LIN28B: variants seen among roughly 807,000 people sequenced by gnomAD.
The protein encoded by LIN28B is protein lin-28 homolog B.
In LIN28B, 5 loss-of-function variants were observed where a neutral mutation model predicts 21.9. The ratio of observed to expected loss-of-function variants is 0.23; its 90% CI spans 0.12 to 0.48. The LOEUF is 0.48. Among genes scored for constraint, LIN28B ranks in the 20% least tolerant of loss-of-function variants. The pLI is 0.98. For synonymous variants in LIN28B, 109 were observed against 111.3 expected (o/e 0.98, Z 0.13); for missense variants, 245 against 310.5 (o/e 0.79, Z 1.58).
In LIN28B at chr6:104,997,262, C is replaced by G. The variant is rs1308965029; in HGVS notation, c.199-29036C>G. On this transcript the variant is annotated intron_variant, in intron 2 of 3. Coordinates refer to ENST00000345080, the MANE Select transcript of LIN28B (RefSeq NM_001004317.4). ...CGCCACTGCACTCCAGCCTGCGCGA[C>G]AGAACGAGACTCCGTCTCAAAAAAA... 4.5e-5 allele frequency among the ~76,000 whole-genome samples: 6 copies of G among 133,538 alleles called. No individual in the cohort carries two copies. In the Admixed American group the frequency reaches 5.0e-4, roughly 11 times the overall value. 87.6% of individuals were successfully genotyped at this position (133,538 alleles called of 152,430 possible). A position where few individuals can be genotyped will look rare whatever the true frequency, so the allele number is the denominator to read the frequency against.
rs138866896 is a variant in LIN28B, at chr6:105,010,131, A to G, written c.199-16167A>G. 1.0e-3 allele frequency among the ~76,000 whole-genome samples: 159 copies of G among 152,196 alleles called. 1 individual carries two copies. In the East Asian group the frequency reaches 0.029, roughly 28 times the overall value. On this transcript the variant is annotated intron_variant, in intron 2 of 3. Coordinates refer to ENST00000345080, the MANE Select transcript of LIN28B (RefSeq NM_001004317.4). ...AGCAGTAAGAATAGGCCAGGCAGAC[A>G]GATCGCTTAAGCCCAGGAGTATGAG...
In LIN28B at chr6:105,078,758, C is replaced by G. The variant is rs1192629337; in HGVS notation, c.728C>G (p.Ser243Ter). 1 of 1,612,576 alleles carries G rather than the reference C, an allele frequency of 6.2e-7. No individual in the cohort carries two copies. Among genetic ancestry groups the G allele is most frequent in the Non-Finnish European group, 8.5e-7 (1 of 1,179,528 alleles). ...APEEQSKKGP[S>*]VQKRKKT is the part of the protein sequence containing the mutation. The stretch of plus-strand genomic sequence containing the variant: ...GAAGAGCAAAGCAAAAAGGGGCCTT[C>G]AGTTCAAAAAAGGAAAAAGACATAA... Residue 243 changes from serine to a stop codon, truncating the protein, a stop_gained, in exon 4 of 4, where the codon TCA becomes TGA. Coordinates refer to ENST00000345080, the MANE Select transcript of LIN28B (RefSeq NM_001004317.4). LOFTEE classifies it high-confidence loss of function.
chr6:104,991,893 C>T (rs536753451), intron 2 of LIN28B, among the ~76,000 whole-genome samples: 1 of 152,000 alleles, frequency 6.6e-6, no homozygotes. Flanking sequence ...CGCCTGCAAT[C>T]GCAGGCACTC....
intron 2 of LIN28B, among the ~76,000 whole-genome samples, chr6:104,959,094 AT>A (rs1171485604): frequency 6.6e-6 from 1 of 152,068 alleles, no homozygotes; most frequent in Admixed American, 6.6e-5. Flanking sequence ...ATTGCTTCCC[AT>A]TTTCAAAATT....
At chr6:105,012,854 T>C (rs1384969346) in intron 2 of LIN28B, among the ~76,000 whole-genome samples, 1 of 152,140 alleles carries the variant, frequency 6.6e-6, no homozygotes, top group African/African-American at 2.4e-5. Context: ...CCTGGGGTCA[T>C]AGGGCAGGTA....
intron 3 of LIN28B, among the ~76,000 whole-genome samples, chr6:105,067,175 C>G (rs1210338555): frequency 6.6e-6 from 1 of 152,164 alleles, no homozygotes; most frequent in Non-Finnish European, 1.5e-5. Flanking sequence ...CTAATTTTAA[C>G]CATTTCAAGA....
chr6:105,053,416 C>T (rs887789726), intron 3 of LIN28B, among the ~76,000 whole-genome samples: 24 of 81,442 alleles, frequency 2.9e-4, no homozygotes, highest in African/African-American at 9.2e-4. Flanking sequence ...TGTGTGTGCA[C>T]GTGCTCATAA....
intron 2 of LIN28B, among the ~76,000 whole-genome samples, chr6:104,971,405 C>T (rs916465348): frequency 1.3e-5 from 2 of 152,006 alleles, no homozygotes; most frequent in African/African-American, 2.4e-5. Context: ...TCCTATCAGT[C>T]CAAGATAACT....
intron 2 of LIN28B, among the ~76,000 whole-genome samples, chr6:104,947,467 C>A (rs1021817863): frequency 6.6e-5 from 10 of 152,114 alleles, no homozygotes; most frequent in Non-Finnish European, 1.5e-4. Flanking sequence ...TAATAGCAGT[C>A]ATTTTCCTTT....
intron 2 of LIN28B, among the ~76,000 whole-genome samples, chr6:104,974,595 C>T (rs551162009): frequency 1.0e-3 from 155 of 151,542 alleles, no homozygotes; most frequent in African/African-American, 2.9e-3. Context: ...TCTTCCATTG[C>T]GGTATAGGTA....
intron 2 of LIN28B, among the ~76,000 whole-genome samples, chr6:105,015,825 A>G (rs957642820): frequency 6.6e-6 from 1 of 152,194 alleles, no homozygotes; most frequent in Non-Finnish European, 1.5e-5. Flanking sequence ...GCTACAGTAC[A>G]TAAGTAAATA....
chr6:105,048,051 CTG>C (rs2114378916), intron 3 of LIN28B, among the ~76,000 whole-genome samples: 1 of 152,346 alleles, frequency 6.6e-6, no homozygotes, highest in African/African-American at 2.4e-5. Flanking sequence ...ACTTCCAACA[CTG>C]TGTTGAATAA....
intron 3 of LIN28B, among the ~76,000 whole-genome samples, chr6:105,076,723 G>C (rs569906094): frequency 2.0e-5 from 3 of 151,912 alleles, no homozygotes; most frequent in Non-Finnish European, 4.4e-5. Flanking sequence ...TTCTGCCTCA[G>C]CCTCCCGAGT....
intron 2 of LIN28B, among the ~76,000 whole-genome samples, chr6:105,009,441 G>C (rs1456815386): frequency 1.3e-5 from 2 of 152,106 alleles, no homozygotes; most frequent in Non-Finnish European, 1.5e-5. Flanking sequence ...GAAAGCCAAA[G>C]TTTTGGGGTT....
chr6:105,020,390 T>C (rs886433070), intron 2 of LIN28B, among the ~76,000 whole-genome samples: 9 of 151,980 alleles, frequency 5.9e-5, no homozygotes, highest in Non-Finnish European at 8.8e-5. Context: ...CAGGCTGTTA[T>C]AGAAAACAGC....
chr6:104,950,658 C>T (rs150565414), intron 3 of LIN28B: 1 of 414,316 alleles, frequency 2.4e-6, no homozygotes, highest in Non-Finnish European at 4.1e-6. Flanking sequence ...TCCTATACTT[C>T]GTCCTGATCA....
intron 2 of LIN28B, among the ~76,000 whole-genome samples, chr6:104,999,933 C>G (rs1017599018): frequency 6.6e-6 from 1 of 152,104 alleles, no homozygotes; most frequent in Non-Finnish European, 1.5e-5. Context: ...CCGCCTGCCT[C>G]GGCCTCCCAA....
At chr6:105,048,971 C>G (rs1205199678) in intron 3 of LIN28B, among the ~76,000 whole-genome samples, 1 of 152,122 alleles carries the variant, frequency 6.6e-6, no homozygotes, top group Non-Finnish European at 1.5e-5. Context: ...AAACAAGCTC[C>G]TGGATTCATT....
Position 105,023,523 on chromosome 6 carries a change from T to TATATAACCTATA in LIN28B, c.199-2775_199-2774insATATAACCTATA, listed in dbSNP as rs1488352487. 7.0e-3 allele frequency among the ~76,000 whole-genome samples: 6 copies of TATATAACCTATA among 854 alleles called. 1 individual carries two copies. Among genetic ancestry groups the TATATAACCTATA allele is most frequent in the African/African-American group, 0.019 (5 of 270 alleles). 0.6% of individuals were successfully genotyped at this position (854 alleles called of 152,430 possible). A position where few individuals can be genotyped will look rare whatever the true frequency, so the allele number is the denominator to read the frequency against. On this transcript the variant is annotated intron_variant, in intron 2 of 3. Coordinates refer to ENST00000345080, the MANE Select transcript of LIN28B (RefSeq NM_001004317.4). Reference sequence around the variant, plus strand: ...TAATTATATTATATAATATATATAATTATATTATATAATATATATAATATA... The same window carrying TATATAACCTATA: ...TAATTATATTATATAATATATATAATATATAACCTATATATATTATATAATATATATAATATA...
Sources: gnomAD v4.1 joint callset for allele counts (sites outside exome capture counted in the v4.1 genomes callset) on GRCh38, gnomAD v4.1.1 for gene constraint, MANE v1.5 for transcripts, NCBI Gene and HGNC (gene_info 2026-07-23, HGNC 2026-07-21) for gene names.